The following BRINP2 variants were observed in gnomAD, a reference collection of about 807,000 sequenced individuals.
BRINP2 encodes BMP/retinoic acid inducible neural specific 2, also known as BMP/retinoic acid-inducible neural-specific protein 2.
In BRINP2, 21 loss-of-function variants were observed where a neutral mutation model predicts 69.2. The ratio of observed to expected loss-of-function variants is 0.30; its 90% CI spans 0.22 to 0.44. The LOEUF (loss-of-function observed/expected upper bound fraction) is 0.44. BRINP2 is among the 20% of genes least tolerant of loss of function. The pLI, the probability that BRINP2 is intolerant of heterozygous loss-of-function variation, is 1.00. For synonymous variants in BRINP2, 380 were observed against 394.1 expected (o/e 0.96, Z 0.42); for missense variants, 877 against 986.0 (o/e 0.89, Z 1.48).
At chr1:177,259,162 A>G (rs1394277252) in intron 4 of BRINP2, among the ~76,000 whole-genome samples, 2 of 152,190 alleles carry the variant, frequency 1.3e-5, no homozygotes, top group Admixed American at 6.5e-5. Flanking sequence ...CAAGAATGAT[A>G]AAAAAGCCAA....
At chr1:177,221,637 C>T (rs1484462990) in intron 1 of BRINP2, among the ~76,000 whole-genome samples, 1 of 152,154 alleles carries the variant, frequency 6.6e-6, no homozygotes, top group Admixed American at 6.5e-5. Flanking sequence ...TCAGTTATTT[C>T]CCTCTTTCCT....
Position 177,229,915 on chromosome 1 carries a change from GC to G in BRINP2, c.41del (p.Pro14ArgfsTer36), listed in dbSNP as rs755648048. 1 of 1,607,002 alleles carries G rather than the reference GC, an allele frequency of 6.2e-7. No individual in the cohort carries two copies. The highest frequency in any genetic ancestry group is 2.2e-5 in the East Asian group (1 of 44,670). On this transcript the variant is annotated frameshift_variant, in exon 2 of 8. Transcript: ENST00000361539. LOFTEE classifies it high-confidence loss of function. The stretch of plus-strand genomic sequence containing the variant: ...GTGGCACTCGGTTTAGAGGGCTTCG[GC>G]CGGCGGTGGCCCCATGGACAGCCCT... ...QCGTRFRGLRPAVAPWTALLA... is the reference protein window; with the variant it reads ...QCGTRFRGLRXAVAPWTALLA...
In BRINP2 at chr1:177,230,088, A is replaced by G. The variant is rs16850984; in HGVS notation, c.212A>G (p.Tyr71Cys). Residue 71 changes from tyrosine to cysteine, a missense_variant, in exon 2 of 8, where the codon TAT becomes TGT. Around this residue, in one of 3 missense-constraint regions of BRINP2, gnomAD observed 566 missense variants for 625.2 expected, o/e 0.91. Transcript: ENST00000361539. ...GGCCCCTTCCACCGCGCTCAGGAGT[A>G]TGCTGACTTCATGGAGCGGTACCGC... is the stretch of plus-strand genomic sequence containing the variant. ...DRGPFHRAQE[Y>C]ADFMERYRQG... 1.9e-6 allele frequency: 3 copies of G among 1,613,716 alleles called. No homozygotes were observed. Among genetic ancestry groups the G allele is most frequent in the Non-Finnish European group, 2.5e-6 (3 of 1,179,936 alleles).
chr1:177,270,608 C>T (rs1418353622), intron 4 of BRINP2, among the ~76,000 whole-genome samples: 2 of 152,148 alleles, frequency 1.3e-5, no homozygotes, highest in Admixed American at 1.3e-4. Flanking sequence ...CTCTTTGGGT[C>T]ACATCTTATT....
chr1:177,223,965 T>C (rs75911486), intron 1 of BRINP2, among the ~76,000 whole-genome samples: 4,333 of 152,088 alleles, frequency 0.028, 97 homozygotes, highest in Non-Finnish European at 0.047. Context: ...CAGGAGCACA[T>C]CGTCAAGGCA....
chr1:177,181,388 C>T (rs1232094446), intron 1 of BRINP2, among the ~76,000 whole-genome samples: 1 of 152,224 alleles, frequency 6.6e-6, no homozygotes, highest in Non-Finnish European at 1.5e-5. Flanking sequence ...GGCAGAACAT[C>T]AGGCCCAGCG....
intron 2 of BRINP2, 149 bp downstream of exon 2, chr1:177,230,294 AATAAGCCTACCAT>A: frequency 1.2e-6 from 1 of 849,098 alleles, no homozygotes; most frequent in Non-Finnish European, 1.7e-6. Flanking sequence ...AGGCAGGGAA[AATAAGCCTACCAT>A]GTTAGTTTTT....
intron 1 of BRINP2, among the ~76,000 whole-genome samples, chr1:177,216,090 G>A (rs1427869174): frequency 6.6e-6 from 1 of 151,816 alleles, no homozygotes; most frequent in African/African-American, 2.4e-5. Context: ...CTTTTGATTG[G>A]AGAATTTAAT....
chr1:177,266,908 T>C (rs1226414705), intron 4 of BRINP2, among the ~76,000 whole-genome samples: 1 of 152,160 alleles, frequency 6.6e-6, no homozygotes, highest in Non-Finnish European at 1.5e-5. Context: ...AAACTGAATG[T>C]ATGTCAGCTA....
At chr1:177,184,344 C>CT (rs35832684) in intron 1 of BRINP2, among the ~76,000 whole-genome samples, 1 of 152,092 alleles carries the variant, frequency 6.6e-6, no homozygotes, top group East Asian at 1.9e-4. Context: ...TTTCATCTAA[C>CT]TTTTTGTGTA....
intron 1 of BRINP2, among the ~76,000 whole-genome samples, chr1:177,184,202 A>G (rs939114547): frequency 6.6e-6 from 1 of 152,340 alleles, no homozygotes; most frequent in Non-Finnish European, 1.5e-5. Flanking sequence ...TTAGGTTTGT[A>G]GGACTCAGCA....
At chr1:177,173,366 T>C (rs934521813) in intron 1 of BRINP2, among the ~76,000 whole-genome samples, 3 of 152,252 alleles carry the variant, frequency 2.0e-5, no homozygotes, top group South Asian at 2.1e-4. Context: ...TGTCACACCA[T>C]AGTCTCCCCT....
chr1:177,277,069 A>T (rs1651523951), intron 6 of BRINP2, among the ~76,000 whole-genome samples: 1 of 152,234 alleles, frequency 6.6e-6, no homozygotes, highest in Non-Finnish European at 1.5e-5. Flanking sequence ...GTATATTTGC[A>T]CATTTCAACA....
intron 1 of BRINP2, among the ~76,000 whole-genome samples, chr1:177,195,371 A>C (rs1362933823): frequency 4.6e-5 from 7 of 151,866 alleles, no homozygotes. Context: ...CATATTTTGC[A>C]AAGACTGTTA....
chr1:177,202,937 G>T (rs1238898387), intron 1 of BRINP2, among the ~76,000 whole-genome samples: 8 of 152,112 alleles, frequency 5.3e-5, no homozygotes, highest in African/African-American at 1.4e-4. Context: ...CAGGGATCTA[G>T]AACTAGAAAT....
intron 1 of BRINP2, among the ~76,000 whole-genome samples, chr1:177,213,434 A>G (rs1342009340): frequency 6.6e-6 from 1 of 152,132 alleles, no homozygotes; most frequent in East Asian, 1.9e-4. Context: ...TCCCTAATTG[A>G]GAACCACAGG....
At position 177,205,173 on chromosome 1, in the gene BRINP2, C is replaced by A. The variant is rs1401719577; in HGVS notation, c.-76-24628C>A. 3.3e-5 allele frequency among the ~76,000 whole-genome samples: 5 copies of A among 152,202 alleles called. No individual in the cohort carries two copies. In the East Asian group the frequency reaches 9.7e-4, roughly 29 times the overall value. The stretch of plus-strand genomic sequence containing the variant: ...TTTGTGTTTTTTTGAGATGGAGTTT[C>A]ACTCTTGTCTTCCAGGCTGGAGTGC... On this transcript the variant is annotated intron_variant, in intron 1 of 7. Coordinates refer to ENST00000361539, the MANE Select transcript of BRINP2 (RefSeq NM_021165.4).
chr1:177,239,389 G>A (rs1255979708), intron 2 of BRINP2, among the ~76,000 whole-genome samples: 3 of 152,306 alleles, frequency 2.0e-5, no homozygotes, highest in Middle Eastern at 6.8e-3. Context: ...GATGTAAATC[G>A]AATTTCTGTA....
chr1:177,227,182 GA>G (rs1649722324), intron 1 of BRINP2, among the ~76,000 whole-genome samples: 1 of 152,220 alleles, frequency 6.6e-6, no homozygotes, highest in Admixed American at 6.5e-5. Context: ...GGCATGCACA[GA>G]AGGGTGTGGG....
Sources: allele counts gnomAD v4.1 joint callset (sites outside exome capture counted in the v4.1 genomes callset), GRCh38; gene constraint gnomAD v4.1.1; regional missense constraint gnomAD v4.1.1; transcripts MANE v1.5; gene names NCBI Gene and HGNC (gene_info 2026-07-23, HGNC 2026-07-21).